The following TBC1D5 variants were observed in gnomAD, a reference collection of about 807,000 sequenced individuals.
The protein encoded by TBC1D5 is TBC1 domain family, member 5.
A neutral mutation model predicts 100.3 loss-of-function variants in TBC1D5; 75 were observed. That is an observed-to-expected ratio of 0.75 (90% CI 0.62 to 0.91). TBC1D5 has a LOEUF of 0.91. Among genes scored for constraint, TBC1D5 ranks in the 40% least tolerant of loss-of-function variants. The probability of loss-of-function intolerance (pLI) is 0.00; values close to 1 mark genes in which losing one functional copy is unlikely to be tolerated. For synonymous variants in TBC1D5, 323 were observed against 325.6 expected, an observed-to-expected ratio of 0.99 and a Z score of 0.09; for missense variants, 910 against 942.4, an observed-to-expected ratio of 0.97 and a Z score of 0.45.
chr3:17,411,947 A>G (rs1288954398), intron 4 of TBC1D5, among the ~76,000 whole-genome samples: 1 of 152,230 alleles, frequency 6.6e-6, no homozygotes, highest in African/African-American at 2.4e-5. Flanking sequence ...TAAAGGCCAC[A>G]TAATAATATA....
chr3:17,352,122 C>G (rs1351102432), intron 13 of TBC1D5, among the ~76,000 whole-genome samples: 1 of 151,976 alleles, frequency 6.6e-6, no homozygotes, highest in Non-Finnish European at 1.5e-5. Flanking sequence ...TAAGGACACA[C>G]ATTTAAAGCC....
rs1015069406 is a variant in TBC1D5 at position 17,565,418 on chromosome 3, C to T, written c.-35-56813G>A. On this transcript the variant is annotated intron_variant, in intron 2 of 21. Transcript: ENST00000253692. The stretch of plus-strand genomic sequence containing the variant: ...AAGAAAAGAAAGACCATAACAATTA[C>T]AGAAAAAGTAATCAGTACTACAATT... 7.9e-5 allele frequency among the ~76,000 whole-genome samples: 12 copies of T among 152,094 alleles called. No homozygotes were observed. In the East Asian group the frequency reaches 1.7e-3, roughly 22 times the overall value.
chr3:17,239,348 C>T (rs2076126550), intron 16 of TBC1D5, among the ~76,000 whole-genome samples: 1 of 152,164 alleles, frequency 6.6e-6, no homozygotes, highest in South Asian at 2.1e-4. Flanking sequence ...TCCTCTCCTG[C>T]ATCATCATTT....
In TBC1D5 at chr3:17,279,973, A is replaced by G. The variant is rs148563567; in HGVS notation, c.1245+11922T>C. ...ACTTGGTAACTGAACTGCAATGAAC[A>G]TCGACTTCTCCTCCGGAAGAGAAAT... On this transcript the variant is annotated intron_variant, in intron 15 of 21. Transcript: ENST00000253692. Among the ~76,000 whole-genome samples the G allele has an allele frequency of 2.2e-3, 338 of 152,330 alleles. 7 individuals are homozygous for G. Among genetic ancestry groups the G allele is most frequent in the Non-Finnish European group, 1.2e-3 (80 of 68,026 alleles).
At chr3:17,472,106 T>C (rs1335774857) in intron 3 of TBC1D5, among the ~76,000 whole-genome samples, 2 of 152,086 alleles carry the variant, frequency 1.3e-5, no homozygotes, top group African/African-American at 4.8e-5. Flanking sequence ...AGTATATTAT[T>C]TGAAAACATT....
At chr3:17,191,746 A>T (rs1015011762) in intron 18 of TBC1D5, among the ~76,000 whole-genome samples, 1 of 151,634 alleles carries the variant, frequency 6.6e-6, no homozygotes, top group Non-Finnish European at 1.5e-5. Flanking sequence ...CCTCCCAAGT[A>T]GCTGGGATTA....
chr3:17,645,176 T>C (rs1175102492), intron 1 of TBC1D5, among the ~76,000 whole-genome samples: 1 of 152,132 alleles, frequency 6.6e-6, no homozygotes, highest in Non-Finnish European at 1.5e-5. Context: ...AAATGTCTAT[T>C]GGAGTAGAGT....
At chr3:17,688,123 T>G (rs2070580299) in intron 1 of TBC1D5, among the ~76,000 whole-genome samples, 2 of 152,164 alleles carry the variant, frequency 1.3e-5, no homozygotes, top group African/African-American at 2.4e-5. Flanking sequence ...TTTGAAGAAT[T>G]TTACTGATAT....
chr3:17,699,404 G>C (rs1294739554), intron 1 of TBC1D5, among the ~76,000 whole-genome samples: 1 of 111,160 alleles, frequency 9.0e-6, no homozygotes, highest in Non-Finnish European at 1.8e-5. Flanking sequence ...GGGGTGGGGG[G>C]AGGGGGGAGG....
At chr3:17,374,481 T>A in exon 12 of TBC1D5, 6 of 1,611,452 alleles carry the variant, frequency 3.7e-6, no homozygotes, top group East Asian at 2.2e-5. Context: ...CTTCTGACCA[T>A]CATGCTCAAA....
At chr3:17,319,726 C>T (rs929906453) in intron 13 of TBC1D5, among the ~76,000 whole-genome samples, 2 of 151,864 alleles carry the variant, frequency 1.3e-5, no homozygotes, top group African/African-American at 2.4e-5. Flanking sequence ...AAAAATTAGC[C>T]GGGTGGGGTG....
Position 17,258,520 on chromosome 3 carries a change from G to A in TBC1D5, c.1317C>T (p.Leu439=). 5 of 1,611,934 alleles carry A rather than the reference G, an allele frequency of 3.1e-6. No individual in the cohort carries two copies. In the South Asian group the frequency reaches 4.4e-5, roughly 14 times the overall value. ...AGGGGACTTACCGGCTTTTATTCATGAGGTCTGCTCCTCGTGCTTTGTAAT... is the reference window on the plus strand; with the variant it reads ...AGGGGACTTACCGGCTTTTATTCATAAGGTCTGCTCCTCGTGCTTTGTAAT... Residue 439 remains leucine, a synonymous_variant, in exon 16 of 22, where the codon CTC becomes CTT. Transcript: ENST00000253692.
At chr3:17,663,576 T>C (rs561663130) in intron 1 of TBC1D5, among the ~76,000 whole-genome samples, 3 of 152,292 alleles carry the variant, frequency 2.0e-5, no homozygotes, top group Admixed American at 1.3e-4. Context: ...AATACGAGTA[T>C]TGATGTAAAA....
At chr3:17,198,919 G>C (rs958525162) in intron 18 of TBC1D5, among the ~76,000 whole-genome samples, 1 of 152,190 alleles carries the variant, frequency 6.6e-6, no homozygotes, top group Non-Finnish European at 1.5e-5. Context: ...CCATTCTAAC[G>C]TATGGTCGGG....
intron 1 of TBC1D5, among the ~76,000 whole-genome samples, chr3:17,695,423 CA>C (rs1231741647): frequency 6.6e-6 from 1 of 150,586 alleles, no homozygotes; most frequent in Non-Finnish European, 1.5e-5. Context: ...AAATGGAAAG[CA>C]AAAAAAAGCA....
chr3:17,422,951 T>C (rs918548717), intron 4 of TBC1D5, among the ~76,000 whole-genome samples: 7 of 152,186 alleles, frequency 4.6e-5, no homozygotes, highest in Non-Finnish European at 8.8e-5. Context: ...TCAAGAAAAT[T>C]CAAATTAATG....
intron 1 of TBC1D5, among the ~76,000 whole-genome samples, chr3:17,668,433 A>T (rs1190642756): frequency 6.6e-6 from 1 of 152,090 alleles, no homozygotes; most frequent in Non-Finnish European, 1.5e-5. Flanking sequence ...ACCTGAAATT[A>T]AACTCAACTA....
chr3:17,305,195 CCTT>C (rs1383248325), intron 14 of TBC1D5, among the ~76,000 whole-genome samples: 20 of 152,184 alleles, frequency 1.3e-4, no homozygotes, highest in African/African-American at 4.3e-4. Flanking sequence ...GCACTCTTGA[CCTT>C]CTTTTCTCTG....
At chr3:17,661,829 T>C (rs2066688089) in intron 1 of TBC1D5, among the ~76,000 whole-genome samples, 1 of 152,022 alleles carries the variant, frequency 6.6e-6, no homozygotes, top group South Asian at 2.1e-4. Flanking sequence ...TTGGACACAG[T>C]TGCTAGGATA....
Sources: gnomAD v4.1 joint callset for allele counts (sites outside exome capture counted in the v4.1 genomes callset) on GRCh38, gnomAD v4.1.1 for gene constraint, MANE v1.5 for transcripts, NCBI Gene and HGNC (gene_info 2026-07-23, HGNC 2026-07-21) for gene names.